The following FGF14 variants were observed in gnomAD, a reference collection of about 807,000 sequenced individuals.
FGF14 encodes the protein fibroblast growth factor 14, also known as fibroblast growth factor homologous factor 4.
Under a neutral mutation model 25.5 loss-of-function variants are expected in FGF14, and 5 were observed. The ratio of observed to expected loss-of-function variants is 0.20; its 90% confidence interval spans 0.10 to 0.41. The LOEUF (loss-of-function observed/expected upper bound fraction) is 0.41. FGF14 is among the 10% of genes least tolerant of loss of function. FGF14 has a pLI of 1.00. For synonymous variants in FGF14, 138 were observed against 118.3 expected (o/e 1.17, Z -1.08); for missense variants, 222 against 320.1 (o/e 0.69, Z 2.34).
At chr13:102,130,643 C>T (rs2046156701) in intron 1 of FGF14, among the ~76,000 whole-genome samples, 1 of 152,056 alleles carries the variant, frequency 6.6e-6, no homozygotes, top group Non-Finnish European at 1.5e-5. Context: ...GACGGTTCTA[C>T]CTATCACAGG....
chr13:101,796,531 G>C (rs1287116330), intron 3 of FGF14, among the ~76,000 whole-genome samples: 1 of 151,924 alleles, frequency 6.6e-6, no homozygotes, highest in Non-Finnish European at 1.5e-5. Context: ...TACCACTTCA[G>C]AGTACAACTG....
chr13:102,365,805 G>A (rs1003431570), intron 1 of FGF14, among the ~76,000 whole-genome samples: 4 of 151,980 alleles, frequency 2.6e-5, no homozygotes, highest in African/African-American at 4.8e-5. Flanking sequence ...ATGTGGAAAT[G>A]TATATGTGTC....
intron 1 of FGF14, among the ~76,000 whole-genome samples, chr13:102,169,494 G>C (rs1187431749): frequency 3.9e-5 from 6 of 152,058 alleles, no homozygotes; most frequent in Non-Finnish European, 8.8e-5. Flanking sequence ...GATCAAAGGA[G>C]AGGTAATCAT....
chr13:102,161,599 AAG>A (rs1491575118), intron 1 of FGF14, among the ~76,000 whole-genome samples: 1,252 of 5,578 alleles, frequency 0.22, 119 homozygotes, highest in East Asian at 0.25. Context: ...GAAGAAGAAG[AAG>A]AAGAAGAAGA....
intron 1 of FGF14, among the ~76,000 whole-genome samples, chr13:101,978,539 T>G (rs111232741): frequency 1.3e-5 from 2 of 152,320 alleles, no homozygotes; most frequent in African/African-American, 4.8e-5. Context: ...TTGTTTGTTG[T>G]GGTGAAAACA....
rs958904730 is a variant in FGF14 at position 102,047,837 on chromosome 13, AT to A, written c.209-172542del. 2.7e-4 allele frequency among the ~76,000 whole-genome samples: 41 copies of A among 152,302 alleles called. 1 individual carries two copies. The highest frequency in any genetic ancestry group is 2.4e-3 in the Admixed American group (36 of 15,292). On this transcript the variant is annotated intron_variant, in intron 1 of 4. Transcript: ENST00000376131. ...TAAAACTTAAAGTATAATAAAAAAA[AT>A]CATCTTTACAAATAGTTTTTCTCAA...
chr13:102,094,733 A>C (rs2044314112), intron 1 of FGF14, among the ~76,000 whole-genome samples: 1 of 152,094 alleles, frequency 6.6e-6, no homozygotes, highest in Non-Finnish European at 1.5e-5. Context: ...GACAATGAGA[A>C]CCCTTTTTCT....
rs1241857307 is a variant in FGF14, at chr13:101,719,881, C to T, written c.*2950G>A. 2.0e-5 allele frequency: 3 copies of T among 151,834 alleles called. No homozygotes were observed. Among genetic ancestry groups the T allele is most frequent in the Non-Finnish European group, 2.9e-5 (2 of 67,946 alleles). The allele number at this position is 151,834 out of a possible 1,614,324, so 9.4% of individuals were successfully genotyped here. On this transcript the variant is annotated 3_prime_UTR_variant, in exon 5 of 5. Coordinates refer to ENST00000376143, the MANE Select transcript of FGF14 (RefSeq NM_004115.4). ...TTAATTTCTGAGGGGAAAAAAATGG[C>T]GAAGTCTTATCCCAAACAAATAGCA...
chr13:102,199,587 A>C (rs1248684350), intron 1 of FGF14, among the ~76,000 whole-genome samples: 1 of 152,160 alleles, frequency 6.6e-6, no homozygotes, highest in Admixed American at 6.5e-5. Context: ...GGGTCCGTCT[A>C]TCCAGCCTCT....
rs1594813167 is a variant in FGF14, at chr13:101,953,037, A to G, written c.209-77741T>C. On this transcript the variant is annotated intron_variant, in intron 1 of 4. Coordinates refer to the FGF14 transcript ENST00000376131. ...TGACAAGAGTGAGACTCCATCTCTAAATAAATAAATAAACTGTCTTGGAAA... is the reference window on the plus strand; with the variant it reads ...TGACAAGAGTGAGACTCCATCTCTAGATAAATAAATAAACTGTCTTGGAAA... Among the ~76,000 whole-genome samples, 3 of 151,882 alleles carry G rather than the reference A, an allele frequency of 2.0e-5. No homozygotes were observed. The South Asian group carries it at 6.3e-4, about 32-fold the overall frequency.
chr13:102,158,269 C>A (rs1235437256), intron 1 of FGF14, among the ~76,000 whole-genome samples: 3 of 152,104 alleles, frequency 2.0e-5, no homozygotes, highest in Admixed American at 6.6e-5. Context: ...TGGAACCAAC[C>A]CAAATGTCCA....
intron 1 of FGF14, among the ~76,000 whole-genome samples, chr13:102,008,629 T>C (rs1037806070): frequency 6.6e-6 from 1 of 152,150 alleles, no homozygotes; most frequent in African/African-American, 2.4e-5. Flanking sequence ...ATGGTTGGTA[T>C]ATTTCTCAGT....
intron 1 of FGF14, among the ~76,000 whole-genome samples, chr13:101,883,201 G>T (rs1397729406): frequency 2.0e-5 from 3 of 152,088 alleles, no homozygotes; most frequent in Non-Finnish European, 4.4e-5. Context: ...AAAACCCAAA[G>T]TTTCTCCTTA....
chr13:102,200,210 T>C (rs573218357), intron 1 of FGF14, among the ~76,000 whole-genome samples: 2 of 152,316 alleles, frequency 1.3e-5, no homozygotes, highest in Non-Finnish European at 2.9e-5. Context: ...TATGTAGAAT[T>C]TCATTTAATC....
chr13:101,825,231 C>T (rs903844170), intron 3 of FGF14, among the ~76,000 whole-genome samples: 4 of 152,302 alleles, frequency 2.6e-5, no homozygotes, highest in African/African-American at 4.8e-5. Flanking sequence ...TGAGATCTGA[C>T]ACTAACTCCA....
intron 3 of FGF14, among the ~76,000 whole-genome samples, chr13:101,797,466 T>C (rs561984272): frequency 1.3e-5 from 2 of 152,058 alleles, no homozygotes; most frequent in African/African-American, 4.8e-5. Context: ...TCATAAAATA[T>C]CTACAGTATA....
At chr13:101,851,571 A>G (rs1467814421) in intron 3 of FGF14, among the ~76,000 whole-genome samples, 1 of 152,100 alleles carries the variant, frequency 6.6e-6, no homozygotes, top group African/African-American at 2.4e-5. Flanking sequence ...TTCTACTGCA[A>G]TGGATTTAAG....
intron 1 of FGF14, among the ~76,000 whole-genome samples, chr13:102,297,446 A>G (rs2054778783): frequency 6.6e-6 from 1 of 152,290 alleles, no homozygotes; most frequent in East Asian, 1.9e-4. Context: ...TAATGTATCA[A>G]TATTGATTCA....
intron 1 of FGF14, among the ~76,000 whole-genome samples, chr13:102,107,390 C>A (rs926306813): frequency 6.6e-6 from 1 of 152,114 alleles, no homozygotes; most frequent in African/African-American, 2.4e-5. Flanking sequence ...TGGCAAGTCT[C>A]TTTTGAGTCG....
Sources: allele counts gnomAD v4.1 joint callset (sites outside exome capture counted in the v4.1 genomes callset), GRCh38; gene constraint gnomAD v4.1.1; transcripts MANE v1.5; gene names NCBI Gene and HGNC (gene_info 2026-07-23, HGNC 2026-07-21).